PSMD14: variants seen among roughly 807,000 people sequenced by gnomAD.
The protein encoded by PSMD14 is ubiquitin C-terminal hydrolase PSMD14.
Under a neutral mutation model 41.2 loss-of-function variants are expected in PSMD14, and 7 were observed. The observed-to-expected ratio is 0.17, with a 90% CI of 0.10 to 0.32. The LOEUF is 0.32. Among genes scored for constraint, PSMD14 ranks in the 10% least tolerant of loss-of-function variants. PSMD14 has a pLI of 1.00. For missense variants in PSMD14, 139 were observed against 375.6 expected, an observed-to-expected ratio of 0.37 and a Z score of 5.21; for synonymous variants, 114 against 122.3, an observed-to-expected ratio of 0.93 and a Z score of 0.45.
intron 8 of PSMD14, among the ~76,000 whole-genome samples, chr2:161,387,610 T>A (rs1683650068): frequency 6.6e-6 from 1 of 151,968 alleles, no homozygotes; most frequent in Non-Finnish European, 1.5e-5. Context: ...TCAAATATGT[T>A]AAGTAAGAAA....
intron 3 of PSMD14, among the ~76,000 whole-genome samples, chr2:161,362,458 C>CTTT (rs1683302734): frequency 1.3e-5 from 2 of 152,132 alleles, no homozygotes; most frequent in African/African-American, 4.8e-5. Flanking sequence ...TATATGACGA[C>CTTT]TCTTCCATTT....
intron 7 of PSMD14, chr2:161,383,717 A>C (rs1683598214): frequency 6.6e-6 from 1 of 151,644 alleles, no homozygotes; most frequent in African/African-American, 2.4e-5. Context: ...ATGGGCCAAA[A>C]TGATGCTTTG....
chr2:161,387,680 G>A (rs1009321144), intron 8 of PSMD14, among the ~76,000 whole-genome samples: 1 of 152,106 alleles, frequency 6.6e-6, no homozygotes, highest in East Asian at 1.9e-4. Flanking sequence ...TATAGATGGT[G>A]CCTATATATT....
In PSMD14 at chr2:161,325,850, A is replaced by G. The variant is rs116071344; in HGVS notation, c.48+6977A>G. On this transcript the variant is annotated intron_variant, in intron 3 of 11. Coordinates refer to ENST00000409682, the MANE Select transcript of PSMD14 (RefSeq NM_005805.6). The stretch of plus-strand genomic sequence containing the variant: ...AAAACCCAGAAATACATCCATCAAT[A>G]TATGGGAACTTGGTTTGTAATATAA... Among the ~76,000 whole-genome samples the G allele has an allele frequency of 7.3e-3, 1,106 of 152,298 alleles. 15 individuals carry two copies. The highest frequency in any genetic ancestry group is 0.026 in the African/African-American group (1,065 of 41,568).
intron 6 of PSMD14, 22 bp from the exon 7 acceptor site, chr2:161,371,150 C>T (rs202102351): frequency 3.4e-5 from 54 of 1,610,062 alleles, no homozygotes; most frequent in Non-Finnish European, 4.2e-5. Context: ...TTCTGAGCAT[C>T]TGAATGCCCT....
chr2:161,309,509 G>T (rs1285716256), intron 1 of PSMD14, among the ~76,000 whole-genome samples: 1 of 152,100 alleles, frequency 6.6e-6, no homozygotes, highest in East Asian at 1.9e-4. Flanking sequence ...GAGAAAAGCA[G>T]CAAGACATGC....
intron 3 of PSMD14, among the ~76,000 whole-genome samples, chr2:161,321,530 C>T (rs1327519517): frequency 6.6e-6 from 1 of 152,128 alleles, no homozygotes; most frequent in Non-Finnish European, 1.5e-5. Flanking sequence ...TACTGTCAGA[C>T]TCTGCAAGTT....
intron 9 of PSMD14, among the ~76,000 whole-genome samples, chr2:161,394,781 G>C (rs1321585302): frequency 2.0e-5 from 3 of 152,070 alleles, no homozygotes; most frequent in African/African-American, 7.2e-5. Context: ...GACTATTTTA[G>C]GTATATTGTT....
intron 8 of PSMD14, 58 bp downstream of exon 8, chr2:161,385,629 AAGTAGTCTTTTTAAGTTCTAATTCT>A: frequency 9.7e-7 from 1 of 1,033,870 alleles, no homozygotes; most frequent in Non-Finnish European, 1.5e-6. Context: ...AGCCTGCTAT[AAGTAGTCTTTTTAAGTTCTAATTCT>A]TAGCATTTTA....
At chr2:161,380,001 G>A (rs1683553787) in intron 7 of PSMD14, among the ~76,000 whole-genome samples, 1 of 152,062 alleles carries the variant, frequency 6.6e-6, no homozygotes, top group African/African-American at 2.4e-5. Context: ...GAGGTTGTGA[G>A]TCAGTCATGC....
chr2:161,411,309 A>G lies in PSMD14; in HGVS notation c.842A>G (p.Lys281Arg), dbSNP rs747015543. ...TCATTTTTGTTCTTTTAGGACCCCA[A>G]ACGTCATTTGGAGGAACATGTGGAT... is the stretch of plus-strand genomic sequence containing the variant. ...AIKNVGKQDPKRHLEEHVDVL... is the reference protein window; with the variant it reads ...AIKNVGKQDPRRHLEEHVDVL... The change falls in exon 12 of 12, where the codon AAA (lysine) becomes AGA (arginine). Residue 281 changes from lysine (K) to arginine (R), a missense_variant. Lys to Arg is a conservative substitution (Grantham distance 26). This residue lies in a region of PSMD14 where 80 missense variants were observed against 138.1 expected (regional missense o/e 0.58). Coordinates refer to ENST00000409682, the MANE Select transcript of PSMD14 (RefSeq NM_005805.6). 2.5e-6 allele frequency: 4 copies of G among 1,605,550 alleles called. No individual in the cohort carries two copies. The highest frequency in any genetic ancestry group is 8.5e-7 in the Non-Finnish European group (1 of 1,175,632).
intron 3 of PSMD14, among the ~76,000 whole-genome samples, chr2:161,356,410 A>G (rs758850145): frequency 2.6e-5 from 4 of 152,140 alleles, no homozygotes; most frequent in Non-Finnish European, 5.9e-5. Flanking sequence ...AGTTAGTTGT[A>G]TGTGTTTGAA....
chr2:161,388,919 TG>T (rs1683669618), intron 8 of PSMD14, among the ~76,000 whole-genome samples: 1 of 152,086 alleles, frequency 6.6e-6, no homozygotes, highest in South Asian at 2.1e-4. Flanking sequence ...CATGGCCGGT[TG>T]ACTTATGATT....
At chr2:161,340,619 G>A (rs1447627856) in intron 3 of PSMD14, among the ~76,000 whole-genome samples, 1 of 151,992 alleles carries the variant, frequency 6.6e-6, no homozygotes, top group Admixed American at 6.5e-5. Context: ...ACACAGGGCA[G>A]GGCCAAAGGT....
chr2:161,396,993 A>G (rs529955454), intron 10 of PSMD14, among the ~76,000 whole-genome samples: 270 of 152,126 alleles, frequency 1.8e-3, no homozygotes, highest in African/African-American at 6.2e-3. Flanking sequence ...ACACCCAGCT[A>G]ATTTTTATAT....
chr2:161,334,364 T>C (rs955577148), intron 3 of PSMD14, among the ~76,000 whole-genome samples: 6 of 152,222 alleles, frequency 3.9e-5, no homozygotes, highest in Admixed American at 2.0e-4. Flanking sequence ...TTATGTAATT[T>C]TTTTTGACTG....
intron 3 of PSMD14, among the ~76,000 whole-genome samples, chr2:161,362,999 T>G (rs926309556): frequency 3.9e-5 from 6 of 152,224 alleles, no homozygotes; most frequent in African/African-American, 1.4e-4. Flanking sequence ...AATTCAGGTG[T>G]CCTCATATGA....
intron 3 of PSMD14, among the ~76,000 whole-genome samples, chr2:161,350,174 AC>A (rs1402476292): frequency 6.6e-6 from 1 of 152,252 alleles, no homozygotes; most frequent in Non-Finnish European, 1.5e-5. Context: ...AATAGAAAGT[AC>A]TTGTAGTTAC....
At chr2:161,312,656 A>G (rs1012434199) in intron 1 of PSMD14, among the ~76,000 whole-genome samples, 14 of 152,182 alleles carry the variant, frequency 9.2e-5, no homozygotes, top group Non-Finnish European at 1.9e-4. Context: ...GTCTGATAAT[A>G]TTTTCCATAA....
Sources: gnomAD v4.1 joint callset for allele counts (sites outside exome capture counted in the v4.1 genomes callset) on GRCh38, gnomAD v4.1.1 for gene constraint, gnomAD v4.1.1 regional missense constraint, MANE v1.5 for transcripts, NCBI Gene and HGNC (gene_info 2026-07-23, HGNC 2026-07-21) for gene names.